The following SMC4 variants were observed in gnomAD, a reference collection of about 807,000 sequenced individuals.
The protein encoded by SMC4 is structural maintenance of chromosomes 4.
Under a neutral mutation model 145.6 loss-of-function variants are expected in SMC4, and 87 were observed. The observed-to-expected ratio is 0.60, with a 90% confidence interval of 0.50 to 0.71. The LOEUF (loss-of-function observed/expected upper bound fraction) is 0.71. Among genes scored for constraint, SMC4 ranks in the 30% least tolerant of loss-of-function variants. The pLI, the probability that SMC4 is intolerant of heterozygous loss-of-function variation, is 0.00. For synonymous variants in SMC4, 558 were observed against 500.7 expected (o/e 1.11, Z -1.53); for missense variants, 1,447 against 1,537.1 (o/e 0.94, Z 0.98).
At position 160,416,396 on chromosome 3, in the gene SMC4, G is replaced by T. The variant is rs939821547; in HGVS notation, c.1418G>T (p.Gly473Val). The T allele has an allele frequency of 6.7e-7, 1 of 1,490,502 alleles. No individual in the cohort carries two copies. Among genetic ancestry groups the T allele is most frequent in the Non-Finnish European group, 8.9e-7 (1 of 1,121,678 alleles). 92.3% of individuals were successfully genotyped at this position (1,490,502 alleles called of 1,614,324 possible). A position where few individuals can be genotyped will look rare whatever the true frequency, so the allele number is the denominator to read the frequency against. The change falls in exon 10 of 24, where the codon GGG becomes GTG. Residue 473 changes from glycine to valine, a missense_variant. Transcript: ENST00000357388. ...GATAGCCTTAAACAGGAAACACAAG[G>T]GCTTCAGAAAGAAAAAGAAGTAAGT... ...VMDSLKQETQ[G>V]LQKEKESREK... is the part of the protein sequence containing the mutation.
In SMC4 at chr3:160,426,120, T is replaced by G; in HGVS notation, c.2525T>G (p.Leu842Arg). The G allele has an allele frequency of 6.2e-7, 1 of 1,608,788 alleles. No homozygotes were observed. Among genetic ancestry groups the G allele is most frequent in the Non-Finnish European group, 8.5e-7 (1 of 1,177,208 alleles). Residue 842 changes from leucine to arginine, a missense_variant, in exon 17 of 24, where the codon CTT becomes CGT. Leu to Arg is a moderately radical substitution (Grantham distance 102). Transcript: ENST00000357388. ...EEYLNVQVKE[L>R]EANVLATAPD... ...TATTTGAATGTCCAAGTTAAGGAAC[T>G]TGAAGCTAATGTACTTGCTACAGCC...
chr3:160,404,167 T>C, intron 4 of SMC4, 161 bp from the exon 5 acceptor site: 1 of 591,848 alleles, frequency 1.7e-6, no homozygotes, highest in Non-Finnish European at 2.9e-6. Flanking sequence ...AATTCTTTGC[T>C]AAGTTGGGTT....
chr3:160,401,951 A>G lies in SMC4; in HGVS notation c.176A>G (p.Glu59Gly). 6.2e-7 allele frequency: 1 copy of G among 1,605,974 alleles called. No homozygotes were observed. The highest frequency in any genetic ancestry group is 8.5e-7 in the Non-Finnish European group (1 of 1,176,732). ...GAGGAACTTGATAATAGAAGTTTAGAAGAGATTTTGAACAGCATTCCTCCT... is the reference window on the plus strand; with the variant it reads ...GAGGAACTTGATAATAGAAGTTTAGGAGAGATTTTGAACAGCATTCCTCCT... ...ASEELDNRSL[E>G]EILNSIPPPP... Residue 59 changes from glutamate to glycine, a missense_variant, in exon 3 of 24, where the codon GAA (glutamate) becomes GGA (glycine). By Grantham distance (98) the Glu-to-Gly change is moderately conservative. Coordinates refer to ENST00000357388, the MANE Select transcript of SMC4 (RefSeq NM_001002800.3).
In SMC4 at chr3:160,431,180, CTAAAA is replaced by C; in HGVS notation, c.3097_3101del (p.Lys1033LeufsTer16). ...GATGGTCACATTGCTGAACATAATTCTAAAATAAAATATTGGCACAAAGAGGTGAG... is the reference window on the plus strand; with the variant it reads ...GATGGTCACATTGCTGAACATAATTCTAAAATATTGGCACAAAGAGGTGAG... On this transcript the variant is annotated frameshift_variant, in exon 20 of 24. Transcript: ENST00000357388. LOFTEE classifies it high-confidence loss of function. The C allele has an allele frequency of 6.3e-7, 1 of 1,579,776 alleles. No homozygotes were observed. Among genetic ancestry groups the C allele is most frequent in the East Asian group, 2.3e-5 (1 of 43,096 alleles).
Position 160,431,161 on chromosome 3 carries a change from C to A in SMC4, c.3070C>A (p.His1024Asn). Reference protein sequence around the residue: ...IKLKLEQIDGHIAEHNSKIKY... With the variant: ...IKLKLEQIDGNIAEHNSKIKY... Reference sequence around the variant, plus strand: ...GTTGAAACTTGAACAAATAGATGGTCACATTGCTGAACATAATTCTAAAAT... The same window carrying A: ...GTTGAAACTTGAACAAATAGATGGTAACATTGCTGAACATAATTCTAAAAT... The change falls in exon 20 of 24, where the codon CAC becomes AAC. Residue 1024 changes from histidine (H) to asparagine (N), a missense_variant. Physicochemically the swap from His to Asn is moderately conservative, Grantham distance 68. Transcript: ENST00000357388. 1 of 1,600,282 alleles carries A rather than the reference C, an allele frequency of 6.2e-7. No individual in the cohort carries two copies. The highest frequency in any genetic ancestry group is 1.1e-5 in the South Asian group (1 of 87,772).
At chr3:160,422,203 T>C (rs1471470164) in intron 13 of SMC4, among the ~76,000 whole-genome samples, 2 of 152,258 alleles carry the variant, frequency 1.3e-5, no homozygotes, top group Non-Finnish European at 2.9e-5. Flanking sequence ...TTCAGTTCTC[T>C]TGGGTATATA....
At chr3:160,422,784 TG>T (rs1383247881) in intron 13 of SMC4, among the ~76,000 whole-genome samples, 1 of 152,200 alleles carries the variant, frequency 6.6e-6, no homozygotes, top group African/African-American at 2.4e-5. Flanking sequence ...TCTATAGTTT[TG>T]GCTTTATATT....
intron 21 of SMC4, 39 bp downstream of exon 21, chr3:160,431,864 T>C: frequency 6.4e-7 from 1 of 1,552,494 alleles, no homozygotes; most frequent in South Asian, 1.2e-5. Flanking sequence ...TTGGAGTTCT[T>C]TTTAGTCCTT....
rs199550521 is a variant in SMC4, at chr3:160,412,422, A to C, written c.949A>C (p.Arg317=). Residue 317 remains arginine, a synonymous_variant, in exon 7 of 24, where the codon AGA becomes CGA. Transcript: ENST00000357388. The part of the protein sequence containing the change: ...EFLTLENEIF[R]KKNHVCQYYI... ...TCTTACCTTGGAAAATGAAATATTT[A>C]GAAAAAAGAATCATGTTTGTCAATA... 1 of 1,605,558 alleles carries C rather than the reference A, an allele frequency of 6.2e-7. No homozygotes were observed. The highest frequency in any genetic ancestry group is 1.3e-5 in the African/African-American group (1 of 74,762).
At position 160,413,482 on chromosome 3, in the gene SMC4, G is replaced by A; in HGVS notation, c.990G>A (p.Leu330=). The change falls in exon 8 of 24, where the codon TTG becomes TTA. Residue 330 remains leucine, a synonymous_variant. Coordinates refer to ENST00000357388, the MANE Select transcript of SMC4 (RefSeq NM_001002800.3). ...NHVCQYYIYE[L]QKRIAEMETQ... ...TTTTTCCTCCCTATAGTTATGAGTT[G>A]CAGAAACGAATTGCTGAAATGGAAA... is the stretch of plus-strand genomic sequence containing the variant. 6.4e-7 allele frequency: 1 copy of A among 1,568,536 alleles called. No homozygotes were observed. Among genetic ancestry groups the A allele is most frequent in the Admixed American group, 2.1e-5 (1 of 47,400 alleles).
intron 21 of SMC4, 38 bp downstream of exon 21, chr3:160,431,863 T>G: frequency 6.5e-7 from 1 of 1,548,188 alleles, no homozygotes; most frequent in Non-Finnish European, 8.7e-7. Flanking sequence ...GTTGGAGTTC[T>G]TTTTAGTCCT....
intron 20 of SMC4, 121 bp downstream of exon 20, chr3:160,431,326 T>C: frequency 1.3e-6 from 1 of 785,584 alleles, no homozygotes; most frequent in Non-Finnish European, 2.0e-6. Flanking sequence ...CATTGTGATT[T>C]TTAATTCTGT....
chr3:160,416,508 G>A, intron 10 of SMC4, 93 bp downstream of exon 10: 1 of 780,970 alleles, frequency 1.3e-6, no homozygotes, highest in South Asian at 2.9e-5. Flanking sequence ...ACCTGAACTG[G>A]TAAGTTTGGA....
At chr3:160,405,959 T>C (rs1715286311) in intron 5 of SMC4, among the ~76,000 whole-genome samples, 1 of 152,040 alleles carries the variant, frequency 6.6e-6, no homozygotes, top group Non-Finnish European at 1.5e-5. Context: ...ATCAAAGTTT[T>C]ACATTTATCC....
chr3:160,425,315 A>AC (rs538699240), intron 16 of SMC4, among the ~76,000 whole-genome samples: 224 of 152,030 alleles, frequency 1.5e-3, no homozygotes, highest in Non-Finnish European at 2.5e-3. Flanking sequence ...TCAAAGTGGA[A>AC]TTTTTTTTAA....
intron 5 of SMC4, among the ~76,000 whole-genome samples, chr3:160,408,500 A>G (rs949800753): frequency 6.6e-6 from 1 of 152,242 alleles, no homozygotes; most frequent in African/African-American, 2.4e-5. Context: ...GGAACATATG[A>G]AACTTTGTCA....
chr3:160,431,542 T>G, intron 20 of SMC4, 101 bp from the exon 21 acceptor site: 3 of 905,390 alleles, frequency 3.3e-6, no homozygotes, highest in Non-Finnish European at 3.4e-6. Flanking sequence ...TCACAACTCC[T>G]GTTGTTTTCA....
intron 16 of SMC4, 121 bp downstream of exon 16, chr3:160,425,140 T>A: frequency 3.0e-5 from 39 of 1,304,068 alleles, no homozygotes; most frequent in Non-Finnish European, 3.7e-5. Flanking sequence ...GGAGGGAGGA[T>A]CTATAGGCAG....
chr3:160,423,980 G>A, intron 15 of SMC4, 140 bp downstream of exon 15: 2 of 526,770 alleles, frequency 3.8e-6, no homozygotes, highest in South Asian at 3.9e-5. Flanking sequence ...TAAATGACTA[G>A]GGATTTTTTA....
Sources: gnomAD v4.1 joint callset for allele counts (sites outside exome capture counted in the v4.1 genomes callset) on GRCh38, gnomAD v4.1.1 for gene constraint, MANE v1.5 for transcripts, NCBI Gene and HGNC (gene_info 2026-07-23, HGNC 2026-07-21) for gene names.